OR2L5: variants seen among roughly 807,000 people sequenced by gnomAD.
OR2L5 encodes the protein olfactory receptor 2L5.
For synonymous variants in OR2L5, 169 were observed against 142.0 expected (o/e 1.19, Z -1.35); for missense variants, 413 against 381.6 (o/e 1.08, Z -0.69).
intron 1 of OR2L5, among the ~76,000 whole-genome samples, chr1:248,019,871 C>T (rs190018944): frequency 3.5e-4 from 53 of 152,212 alleles, no homozygotes; most frequent in African/African-American, 1.1e-3. Flanking sequence ...ACTGCAACCT[C>T]GGCCTCCTGG....
rs758441905 is a variant in OR2L5, at chr1:248,022,094, C to G, written c.147C>G (p.Phe49Leu). The change falls in exon 2 of 2, where the codon TTC (phenylalanine) becomes TTG (leucine). Residue 49 changes from phenylalanine (F) to leucine (L), a missense_variant. By Grantham distance (22) the Phe-to-Leu change is conservative (BLOSUM62 0). Transcript: ENST00000355281. ...ACCTATCCATGATTCTTCTCATCTT[C>G]TTGGACACCCATCTCCACACACCCA... ...IGNLSMILLI[F>L]LDTHLHTPMY... is the part of the protein sequence containing the mutation. The G allele has an allele frequency of 3.7e-6, 6 of 1,613,778 alleles. No individual in the cohort carries two copies. In the Admixed American group the frequency reaches 6.7e-5, roughly 18 times the overall value.
At chr1:248,017,156 A>G (rs1316260676) in intron 1 of OR2L5, among the ~76,000 whole-genome samples, 1 of 152,174 alleles carries the variant, frequency 6.6e-6, no homozygotes, top group Non-Finnish European at 1.5e-5. Context: ...TATACATTTT[A>G]GAAGAGTTAT....
At position 248,023,144 on chromosome 1, in the gene OR2L5, T is replaced by G; in HGVS notation, c.*258T>G. On this transcript the variant is annotated 3_prime_UTR_variant, in exon 2 of 2. Transcript: ENST00000355281. ...GGCCATAGAATTTCATTATCATGTA[T>G]AAATCAAAACAATAAATGTCCAAAG... 3 of 297,708 alleles carry G rather than the reference T, an allele frequency of 1.0e-5. No homozygotes were observed. Among genetic ancestry groups the G allele is most frequent in the Non-Finnish European group, 1.9e-5 (3 of 159,662 alleles). 18.4% of individuals were successfully genotyped at this position (297,708 alleles called of 1,614,324 possible).
At chr1:248,014,473 A>T (rs975773731) in intron 1 of OR2L5, among the ~76,000 whole-genome samples, 3 of 152,098 alleles carry the variant, frequency 2.0e-5, no homozygotes, top group African/African-American at 7.2e-5. Context: ...TTTGCAATAT[A>T]TTTATTTTTT....
At chr1:248,020,776 T>A (rs112400495) in intron 1 of OR2L5, among the ~76,000 whole-genome samples, 2,623 of 151,988 alleles carry the variant, frequency 0.017, 58 homozygotes, top group African/African-American at 0.059. Context: ...TTTATATAAC[T>A]TTCATTTATT....
At chr1:248,018,964 A>G (rs1662272921) in intron 1 of OR2L5, among the ~76,000 whole-genome samples, 1 of 152,112 alleles carries the variant, frequency 6.6e-6, no homozygotes, top group South Asian at 2.1e-4. Context: ...ATGTTGTAGC[A>G]TGTGTCACAA....
Position 248,022,922 on chromosome 1 carries a change from C to G in OR2L5, c.*36C>G. The G allele has an allele frequency of 6.4e-7, 1 of 1,550,844 alleles. No homozygotes were observed. Among genetic ancestry groups the G allele is most frequent in the South Asian group, 1.2e-5 (1 of 82,244 alleles). On this transcript the variant is annotated 3_prime_UTR_variant, in exon 2 of 2. Coordinates refer to ENST00000355281, the MANE Select transcript of OR2L5 (RefSeq NM_001258284.2). The stretch of plus-strand genomic sequence containing the variant: ...TGTGTTAGAGTCAAAGCGCTAGGTT[C>G]ATATCAACTCAGCAGTGTACAGCAG...
At chr1:248,021,812 T>C (rs1395023763) in intron 1 of OR2L5, 115 bp from the exon 2 acceptor site, 1 of 625,970 alleles carries the variant, frequency 1.6e-6, no homozygotes, top group East Asian at 2.7e-5. Context: ...AAAAATAGTG[T>C]ATATAGGGTT....
chr1:248,022,182 A>T lies in OR2L5; in HGVS notation c.235A>T (p.Lys79Ter). 6.2e-7 allele frequency: 1 copy of T among 1,614,012 alleles called. No homozygotes were observed. Among genetic ancestry groups the T allele is most frequent in the Non-Finnish European group, 8.5e-7 (1 of 1,179,932 alleles). ...AAATTACATCTCTACGATTGTTCCT[A>T]AGATGGCTTCTGATTTTCTGTATGG... is the stretch of plus-strand genomic sequence containing the variant. The part of the protein sequence containing the change: ...DLNYISTIVP[K>*]MASDFLYGNK... The change falls in exon 2 of 2, where the codon AAG becomes TAG. Residue 79 changes from lysine (K) to a stop codon, truncating the protein, a stop_gained. Coordinates refer to ENST00000355281, the MANE Select transcript of OR2L5 (RefSeq NM_001258284.2). LOFTEE classifies it low-confidence loss of function (END_TRUNC).
chr1:248,022,347 C>A lies in OR2L5; in HGVS notation c.400C>A (p.Arg134Ser). 6.2e-7 allele frequency: 1 copy of A among 1,614,110 alleles called. No homozygotes were observed. Among genetic ancestry groups the A allele is most frequent in the Non-Finnish European group, 8.5e-7 (1 of 1,180,046 alleles). ...TTGCTTTCCTCTCCACTATCCCATC[C>A]GTATGAGCAAAAGAATGTATGTGCT... is the stretch of plus-strand genomic sequence containing the variant. ...AICFPLHYPI[R>S]MSKRMYVLMI... is the part of the protein sequence containing the mutation. The change falls in exon 2 of 2, where the codon CGT (arginine) becomes AGT (serine). Residue 134 changes from arginine (R) to serine (S), a missense_variant. Physicochemically the swap from Arg to Ser is moderately radical, Grantham distance 110. Transcript: ENST00000355281.
Position 248,022,851 on chromosome 1 carries a change from C to A in OR2L5, c.904C>A (p.Arg302=). 6.2e-7 allele frequency: 1 copy of A among 1,611,630 alleles called. No homozygotes were observed. Among genetic ancestry groups the A allele is most frequent in the South Asian group, 1.1e-5 (1 of 90,910 alleles). ...CAAGGAGGTGATGGGGGCCCTGACA[C>A]GAGTGATTCAGAATATCTTCTCGGT... ...RNKEVMGALT[R]VIQNIFSVKM The change falls in exon 2 of 2, where the codon CGA becomes AGA. Residue 302 remains arginine, a synonymous_variant. Transcript: ENST00000355281.
rs772383604 is a variant in OR2L5 at position 248,022,031 on chromosome 1, T to C, written c.84T>C (p.Ile28=). 7 of 1,613,846 alleles carry C rather than the reference T, an allele frequency of 4.3e-6. No homozygotes were observed. The highest frequency in any genetic ancestry group is 5.9e-6 in the Non-Finnish European group (7 of 1,179,884). The change falls in exon 2 of 2, where the codon ATT becomes ATC. Residue 28 remains isoleucine (I), a synonymous_variant. Coordinates refer to ENST00000355281, the MANE Select transcript of OR2L5 (RefSeq NM_001258284.2). ...PPSKIGLFLF[I]LFVLIFLMAL... ...CAAAAATTGGCCTTTTCCTCTTCAT[T>C]CTCTTTGTTCTCATTTTCCTAATGG... is the stretch of plus-strand genomic sequence containing the variant.
chr1:248,020,105 C>T (rs1662299337), intron 1 of OR2L5, among the ~76,000 whole-genome samples: 1 of 152,134 alleles, frequency 6.6e-6, no homozygotes, highest in Non-Finnish European at 1.5e-5. Flanking sequence ...TATTGGTATA[C>T]ATGTCTGGCT....
At chr1:248,020,984 A>G (rs1662320661) in intron 1 of OR2L5, among the ~76,000 whole-genome samples, 1 of 151,902 alleles carries the variant, frequency 6.6e-6, no homozygotes, top group Non-Finnish European at 1.5e-5. Context: ...AATAAGTCAC[A>G]GGCTGCTGCA....
rs1160954049 is a variant in OR2L5, at chr1:248,023,097, T to A, written c.*211T>A. ...TTTCTTTTTATCAAAAGACAGATCA[T>A]ATATTTTACACTAAATTGTAAGGCC... On this transcript the variant is annotated 3_prime_UTR_variant, in exon 2 of 2. Transcript: ENST00000355281. 2 of 449,850 alleles carry A rather than the reference T, an allele frequency of 4.4e-6. No individual in the cohort carries two copies. The highest frequency in any genetic ancestry group is 7.8e-6 in the Non-Finnish European group (2 of 256,112). The allele number at this position is 449,850 out of a possible 1,614,324, so 27.9% of individuals were successfully genotyped here.
intron 1 of OR2L5, among the ~76,000 whole-genome samples, chr1:248,018,381 T>A (rs1662258620): frequency 1.3e-5 from 2 of 152,156 alleles, no homozygotes; most frequent in Admixed American, 6.5e-5. Flanking sequence ...TAATTACAAA[T>A]AGCACCTATT....
chr1:248,021,172 T>A (rs1662325122), intron 1 of OR2L5, among the ~76,000 whole-genome samples: 1 of 152,130 alleles, frequency 6.6e-6, no homozygotes, highest in South Asian at 2.1e-4. Context: ...AACATTCCTA[T>A]CCTTTTGAAG....
At chr1:248,021,088 A>G (rs541645074) in intron 1 of OR2L5, among the ~76,000 whole-genome samples, 16 of 152,226 alleles carry the variant, frequency 1.1e-4, no homozygotes, top group African/African-American at 3.8e-4. Flanking sequence ...TAATATATGC[A>G]TTTAACTTTT....
Position 248,022,995 on chromosome 1 carries a change from C to A in OR2L5, c.*109C>A. The A allele has an allele frequency of 2.9e-6, 3 of 1,018,152 alleles. No individual in the cohort carries two copies. The highest frequency in any genetic ancestry group is 2.2e-4 in the Middle Eastern group (1 of 4,616). The allele number at this position is 1,018,152 out of a possible 1,614,324, so 63.1% of individuals were successfully genotyped here. A position where few individuals can be genotyped will look rare whatever the true frequency, so the allele number is the denominator to read the frequency against. On this transcript the variant is annotated 3_prime_UTR_variant, in exon 2 of 2. Coordinates refer to ENST00000355281, the MANE Select transcript of OR2L5 (RefSeq NM_001258284.2). ...CCCAGTATGTCAAACAGAGATTAAT[C>A]CAGAATGTTTGTCTTTTAATTTAGT...
Sources: gnomAD v4.1 joint callset for allele counts (sites outside exome capture counted in the v4.1 genomes callset) on GRCh38, gnomAD v4.1.1 for gene constraint, MANE v1.5 for transcripts, NCBI Gene and HGNC (gene_info 2026-07-23, HGNC 2026-07-21) for gene names.